The following TMEM272 variants were observed in gnomAD, a reference collection of about 807,000 sequenced individuals.
The protein encoded by TMEM272 is transmembrane protein 272.
In TMEM272, 8 loss-of-function variants were observed where a neutral mutation model predicts 3.7. The observed-to-expected ratio is 2.17, with a 90% confidence interval of 1.27 to 3.91. TMEM272 has a LOEUF of 3.91. TMEM272 is among the 30% of genes most tolerant of loss of function. The pLI is 0.00. For synonymous variants in TMEM272, 63 were observed against 39.8 expected, an observed-to-expected ratio of 1.58 and a Z score of -2.20; for missense variants, 166 against 91.5, an observed-to-expected ratio of 1.81 and a Z score of -3.32.
chr13:51,921,302 T>C, the TMEM272 span: 8 of 152,214 alleles, frequency 5.3e-5, no homozygotes, highest in Middle Eastern at 3.2e-3. Context: ...GGGTCTCTAG[T>C]GAACTGCTAT....
At chr13:51,892,251 C>T in the TMEM272 span, among the ~76,000 whole-genome samples, 1 of 152,188 alleles carries the variant, frequency 6.6e-6, no homozygotes, top group Non-Finnish European at 1.5e-5. Flanking sequence ...TCCTGTCAAC[C>T]ATCAATAGAT....
At chr13:51,881,116 C>T in the TMEM272 span, among the ~76,000 whole-genome samples, 1 of 152,102 alleles carries the variant, frequency 6.6e-6, no homozygotes, top group Non-Finnish European at 1.5e-5. Flanking sequence ...CTGGGTGTGG[C>T]CGAACAACTG....
At chr13:51,838,295 T>C (rs1043560267) in intron 2 of TMEM272, among the ~76,000 whole-genome samples, 178 bp downstream of exon 2, 1 of 152,074 alleles carries the variant, frequency 6.6e-6, no homozygotes, top group Non-Finnish European at 1.5e-5. Context: ...TGGTAAGGAA[T>C]GGAAGGAGAA....
the TMEM272 span, among the ~76,000 whole-genome samples, chr13:51,867,524 G>A: frequency 2.6e-4 from 40 of 152,270 alleles, no homozygotes; most frequent in Non-Finnish European, 4.6e-4. Flanking sequence ...CAAAGTCAAG[G>A]GTGAACAAAT....
chr13:51,892,660 C>T, the TMEM272 span, among the ~76,000 whole-genome samples: 1 of 152,212 alleles, frequency 6.6e-6, no homozygotes, highest in Non-Finnish European at 1.5e-5. Flanking sequence ...CTCCATCACA[C>T]AGCCTCTTCT....
chr13:51,900,669 T>C, the TMEM272 span, among the ~76,000 whole-genome samples: 1 of 152,130 alleles, frequency 6.6e-6, no homozygotes. Context: ...AATGTTCATG[T>C]CAGCATTATT....
chr13:51,848,627 G>A (rs778930305), upstream of TMEM272, among the ~76,000 whole-genome samples: 35 of 152,310 alleles, frequency 2.3e-4, no homozygotes, highest in Non-Finnish European at 3.2e-4. Context: ...GTGAGTGAAT[G>A]AGCACGTGCC....
At chr13:51,913,878 G>A in the TMEM272 span, among the ~76,000 whole-genome samples, 2 of 152,188 alleles carry the variant, frequency 1.3e-5, no homozygotes, top group African/African-American at 4.8e-5. Context: ...TGATCAAGCA[G>A]CATGGCTGGG....
chr13:51,921,789 T>C, the TMEM272 span, among the ~76,000 whole-genome samples: 4 of 152,214 alleles, frequency 2.6e-5, no homozygotes, highest in Non-Finnish European at 5.9e-5. Flanking sequence ...ATGTGCCCCC[T>C]GCTCTCCCCT....
intron 4 of TMEM272, among the ~76,000 whole-genome samples, chr13:51,820,418 T>C (rs1229343000): frequency 6.6e-6 from 1 of 152,236 alleles, no homozygotes; most frequent in Non-Finnish European, 1.5e-5. Flanking sequence ...GGACTCACTG[T>C]ATATTACCTT....
At chr13:51,833,958 G>A (rs1444711940) in intron 2 of TMEM272, among the ~76,000 whole-genome samples, 7 of 152,130 alleles carry the variant, frequency 4.6e-5, no homozygotes. Flanking sequence ...GGCTGCTGAG[G>A]GTGGAACCTT....
chr13:51,822,679 T>C (rs1393200394), intron 3 of TMEM272, among the ~76,000 whole-genome samples: 6 of 152,152 alleles, frequency 3.9e-5, no homozygotes, highest in Non-Finnish European at 7.3e-5. Context: ...CACCATATGA[T>C]AACCATTGAC....
the TMEM272 span, among the ~76,000 whole-genome samples, chr13:51,866,863 C>T: frequency 6.6e-6 from 1 of 152,204 alleles, no homozygotes; most frequent in African/African-American, 2.4e-5. Context: ...CTCATGGTCC[C>T]TGTGTTTCTG....
chr13:51,866,367 A>G, the TMEM272 span: 1 of 319,992 alleles, frequency 3.1e-6, no homozygotes. Context: ...TTGGAAGTGG[A>G]GACGCTTTGG....
chr13:51,893,605 C>T, the TMEM272 span, among the ~76,000 whole-genome samples: 2 of 151,920 alleles, frequency 1.3e-5, no homozygotes, highest in Non-Finnish European at 2.9e-5. Context: ...CTGGCTCACA[C>T]CGTATGCGCT....
At chr13:51,832,547 T>C (rs904553980) in intron 2 of TMEM272, among the ~76,000 whole-genome samples, 2 of 152,120 alleles carry the variant, frequency 1.3e-5, no homozygotes, top group Non-Finnish European at 2.9e-5. Flanking sequence ...TAAACTCCTC[T>C]TTCCAAACTG....
At chr13:51,933,959 T>C in the TMEM272 span, 1 of 152,218 alleles carries the variant, frequency 6.6e-6, no homozygotes, top group Non-Finnish European at 1.5e-5. Context: ...CTCCAGCTGG[T>C]CAGCAACAAC....
the TMEM272 span, among the ~76,000 whole-genome samples, chr13:51,875,847 G>C: frequency 1.3e-5 from 2 of 152,088 alleles, no homozygotes; most frequent in African/African-American, 4.8e-5. Context: ...AGACCTGTGG[G>C]AGACAGCTGT....
intron 2 of TMEM272, among the ~76,000 whole-genome samples, chr13:51,833,658 G>A (rs563144410): frequency 7.2e-5 from 11 of 152,268 alleles, no homozygotes; most frequent in African/African-American, 2.6e-4. Flanking sequence ...GGATGTATTC[G>A]GTTCAGAATT....
Sources: allele counts gnomAD v4.1 joint callset (sites outside exome capture counted in the v4.1 genomes callset), GRCh38; gene constraint gnomAD v4.1.1; transcripts MANE v1.5; gene names NCBI Gene and HGNC (gene_info 2026-07-23, HGNC 2026-07-21).